CNTNAP3B: variants seen among roughly 807,000 people sequenced by gnomAD.
CNTNAP3B encodes the protein contactin-associated protein-like 3B.
A neutral mutation model predicts 108.9 loss-of-function variants in CNTNAP3B; 25 were observed. The ratio of observed to expected loss-of-function variants is 0.23; its 90% CI spans 0.17 to 0.32. CNTNAP3B has a LOEUF of 0.32. Ranked by LOEUF, CNTNAP3B falls within the 10% of genes least tolerant of loss-of-function variation. CNTNAP3B has a pLI of 1.00. For synonymous variants in CNTNAP3B, 103 were observed against 473.4 expected (o/e 0.22, Z 10.16); for missense variants, 252 against 1,210.4 (o/e 0.21, Z 11.75).
At chr9:41,928,392 G>T (rs1286206102) in intron 15 of CNTNAP3B, among the ~76,000 whole-genome samples, 1 of 152,022 alleles carries the variant, frequency 6.6e-6, no homozygotes, top group African/African-American at 2.4e-5. Context: ...CCCAGACAAG[G>T]GTCCGGGACT....
At chr9:41,954,148 T>C (rs1210509601) in intron 12 of CNTNAP3B, among the ~76,000 whole-genome samples, 3 of 152,252 alleles carry the variant, frequency 2.0e-5, no homozygotes, top group Non-Finnish European at 4.4e-5. Flanking sequence ...TGCTGTCTGG[T>C]CCTTTAACCT....
At chr9:41,937,316 G>A (rs866730520) in intron 14 of CNTNAP3B, among the ~76,000 whole-genome samples, 373 of 151,884 alleles carry the variant, frequency 2.5e-3, no homozygotes, top group South Asian at 0.015. Context: ...CAGTGGAGAC[G>A]GGGTTTCGCC....
chr9:42,120,820 C>T (rs1220280783), intron 1 of CNTNAP3B, among the ~76,000 whole-genome samples: 3 of 76,856 alleles, frequency 3.9e-5, no homozygotes, highest in African/African-American at 6.6e-5. Context: ...CGGGGACTGT[C>T]GCGGGGTGGG....
At chr9:42,086,130 T>C (rs549321154) in intron 2 of CNTNAP3B, among the ~76,000 whole-genome samples, 1 of 140,682 alleles carries the variant, frequency 7.1e-6, no homozygotes, top group Non-Finnish European at 1.5e-5. Context: ...GAAAAGCATA[T>C]TTTACGTGGC....
chr9:42,024,954 C>T (rs1826391697), intron 3 of CNTNAP3B, among the ~76,000 whole-genome samples: 1 of 145,246 alleles, frequency 6.9e-6, no homozygotes, highest in Non-Finnish European at 1.5e-5. Context: ...ATCAACTTTC[C>T]ATTAGAGCAT....
intron 1 of CNTNAP3B, among the ~76,000 whole-genome samples, chr9:42,125,976 C>T (rs186205372): frequency 7.5e-6 from 1 of 133,820 alleles, no homozygotes; most frequent in Non-Finnish European, 1.6e-5. Context: ...TGTTACTCAT[C>T]TGCAGAATCT....
intron 9 of CNTNAP3B, among the ~76,000 whole-genome samples, chr9:41,977,954 G>A (rs1825553395): frequency 7.2e-6 from 1 of 139,074 alleles, no homozygotes; most frequent in African/African-American, 2.8e-5. Context: ...ATATTGTGCT[G>A]TCTCCAACAT....
At position 42,092,993 on chromosome 9, in the gene CNTNAP3B, T is replaced by A. The variant is rs1446294179; in HGVS notation, c.196+11636A>T. ...ATATTATTTAATGTTTGCTTTGTCATGGCTCTGAGCTAGATGTTGTGAAAC... is the reference window on the plus strand; with the variant it reads ...ATATTATTTAATGTTTGCTTTGTCAAGGCTCTGAGCTAGATGTTGTGAAAC... On this transcript the variant is annotated intron_variant, in intron 2 of 23. Coordinates refer to ENST00000377561, the MANE Select transcript of CNTNAP3B (RefSeq NM_001201380.3). Among the ~76,000 whole-genome samples the A allele has an allele frequency of 8.3e-5, 7 of 84,260 alleles. 3 individuals are homozygous for A. The highest frequency in any genetic ancestry group is 4.9e-5 in the Non-Finnish European group (2 of 41,110). 55.3% of individuals were successfully genotyped at this position (84,260 alleles called of 152,430 possible).
At chr9:42,120,090 A>G (rs1564200729) in intron 1 of CNTNAP3B, among the ~76,000 whole-genome samples, 1 of 150,810 alleles carries the variant, frequency 6.6e-6, no homozygotes, top group Admixed American at 6.6e-5. Context: ...ACAAAGGGCT[A>G]ATATCCAGAA....
intron 14 of CNTNAP3B, among the ~76,000 whole-genome samples, chr9:41,936,806 G>C (rs1192673085): frequency 6.6e-6 from 1 of 152,360 alleles, no homozygotes; most frequent in South Asian, 2.1e-4. Context: ...TATTCAAAAA[G>C]AGTGTCTCAT....
intron 1 of CNTNAP3B, among the ~76,000 whole-genome samples, chr9:42,117,609 A>G (rs1268900097): frequency 7.2e-6 from 1 of 138,414 alleles, no homozygotes; most frequent in Non-Finnish European, 1.5e-5. Flanking sequence ...CATCACAATT[A>G]AAAGAACCAG....
intron 9 of CNTNAP3B, among the ~76,000 whole-genome samples, chr9:41,976,845 G>C (rs1329381544): frequency 4.7e-5 from 6 of 128,436 alleles, no homozygotes; most frequent in Non-Finnish European, 9.7e-5. Context: ...CTTGAGCTTG[G>C]AGAGGCAGAG....
intron 4 of CNTNAP3B, among the ~76,000 whole-genome samples, chr9:42,001,473 T>C (rs1826004199): frequency 7.4e-6 from 1 of 135,362 alleles, no homozygotes; most frequent in African/African-American, 3.0e-5. Flanking sequence ...CAATATATAT[T>C]TGAATAATAC....
intron 3 of CNTNAP3B, among the ~76,000 whole-genome samples, chr9:42,044,865 G>A (rs2118527952): frequency 8.4e-6 from 1 of 119,668 alleles, no homozygotes; most frequent in South Asian, 2.6e-4. Flanking sequence ...GAAAAATCCT[G>A]AGCAATATAA....
chr9:42,121,611 T>C (rs1479696697), intron 1 of CNTNAP3B, among the ~76,000 whole-genome samples: 19 of 139,510 alleles, frequency 1.4e-4, no homozygotes. Flanking sequence ...AAAGAAGAAA[T>C]GAGGACAGTA....
chr9:41,920,782 A>C (rs1823645617), intron 17 of CNTNAP3B, among the ~76,000 whole-genome samples: 1 of 152,310 alleles, frequency 6.6e-6, no homozygotes, highest in Non-Finnish European at 1.5e-5. Context: ...TAAATTTCTT[A>C]CTTGGATGGA....
chr9:41,986,316 A>C lies in CNTNAP3B; in HGVS notation c.1334-5T>G, dbSNP rs1825701827. On this transcript the variant is annotated splice_polypyrimidine_tract_variant and splice_region_variant and intron_variant, in intron 8 of 23. Transcript: ENST00000377561. ...GCCCATCGTTTAATCCAGCACCTGG[A>C]GGAAATACAATCAGTCAGAGACAAC... is the stretch of plus-strand genomic sequence containing the variant. 2.7e-6 allele frequency: 3 copies of C among 1,121,082 alleles called. 1 individual carries two copies. The highest frequency in any genetic ancestry group is 3.6e-6 in the Non-Finnish European group (3 of 828,560). 69.4% of individuals were successfully genotyped at this position (1,121,082 alleles called of 1,614,324 possible). A position where few individuals can be genotyped will look rare whatever the true frequency, so the allele number is the denominator to read the frequency against.
intron 13 of CNTNAP3B, among the ~76,000 whole-genome samples, chr9:41,952,013 G>T (rs144502329): frequency 2.0e-5 from 3 of 152,242 alleles, no homozygotes; most frequent in Admixed American, 6.5e-5. Flanking sequence ...GGAGGGGAGC[G>T]GGTTGCAGTG....
chr9:41,955,926 G>T (rs1824843404), intron 12 of CNTNAP3B, among the ~76,000 whole-genome samples: 2 of 152,210 alleles, frequency 1.3e-5, no homozygotes, highest in African/African-American at 2.4e-5. Context: ...TAATACATGT[G>T]ACCTACTGAA....
Sources: gnomAD v4.1 joint callset for allele counts (sites outside exome capture counted in the v4.1 genomes callset) on GRCh38, gnomAD v4.1.1 for gene constraint, MANE v1.5 for transcripts, NCBI Gene and HGNC (gene_info 2026-07-23, HGNC 2026-07-21) for gene names.